RBL1: variants seen among roughly 807,000 people sequenced by gnomAD.
RBL1 encodes the protein RB transcriptional corepressor like 1.
Under a neutral mutation model 123.0 loss-of-function variants are expected in RBL1, and 82 were observed. The observed-to-expected ratio is 0.67, with a 90% CI of 0.56 to 0.80. The LOEUF is 0.80. Ranked by LOEUF, RBL1 falls within the 30% of genes least tolerant of loss-of-function variation. RBL1 has a pLI of 0.00. For synonymous variants in RBL1, 405 were observed against 441.3 expected (o/e 0.92, Z 1.03); for missense variants, 1,171 against 1,299.6 (o/e 0.90, Z 1.52).
At chr20:37,057,056 C>T (rs1033717767) in intron 9 of RBL1, among the ~76,000 whole-genome samples, 1 of 151,308 alleles carries the variant, frequency 6.6e-6, no homozygotes, top group Non-Finnish European at 1.5e-5. Context: ...TACCTATCTA[C>T]CTATCTACAC....
At chr20:37,043,646 C>T (rs1037596169) in intron 13 of RBL1, among the ~76,000 whole-genome samples, 2 of 151,858 alleles carry the variant, frequency 1.3e-5, no homozygotes, top group African/African-American at 4.8e-5. Flanking sequence ...CACACCAGCC[C>T]GGGCAAGAGT....
At chr20:37,054,328 C>T (rs568230875) in intron 11 of RBL1, among the ~76,000 whole-genome samples, 7 of 151,566 alleles carry the variant, frequency 4.6e-5, no homozygotes, top group South Asian at 2.1e-4. Context: ...ACTAAAAATA[C>T]GAAAAAATTA....
At position 37,068,091 on chromosome 20, in the gene RBL1, A is replaced by G; in HGVS notation, c.386T>C (p.Phe129Ser). The change falls in exon 3 of 22, where the codon TTT (phenylalanine) becomes TCT (serine). Residue 129 changes from phenylalanine to serine, a missense_variant. Coordinates refer to ENST00000373664, the MANE Select transcript of RBL1 (RefSeq NM_002895.5). ...RERIERLERN[F>S]EVSTVIFKKY... is the part of the protein sequence containing the mutation. ...TTTGAATATTACAGTAGACACCTCAAAATTTCTCTCTAGCCTTTCTATACG... is the reference window on the plus strand; with the variant it reads ...TTTGAATATTACAGTAGACACCTCAGAATTTCTCTCTAGCCTTTCTATACG... 1 of 1,613,792 alleles carries G rather than the reference A, an allele frequency of 6.2e-7. No individual in the cohort carries two copies. Among genetic ancestry groups the G allele is most frequent in the South Asian group, 1.1e-5 (1 of 91,024 alleles).
In RBL1 at chr20:37,032,789, A is replaced by C. The variant is rs1402049997; in HGVS notation, c.2258T>G (p.Leu753Arg). 3.7e-6 allele frequency: 6 copies of C among 1,614,090 alleles called. No individual in the cohort carries two copies. Among genetic ancestry groups the C allele is most frequent in the East Asian group, 4.5e-5 (2 of 44,854 alleles). The stretch of plus-strand genomic sequence containing the variant: ...AGCACCAATTAATGAATGAGCAGTA[A>C]GTGATACAGGACTCTTGACTTTGGA... ...QESKVKSPVS[L>R]TAHSLIGASP... Residue 753 changes from leucine to arginine, a missense_variant, in exon 16 of 22, where the codon CTT becomes CGT. Physicochemically the swap from Leu to Arg is moderately radical, Grantham distance 102 (BLOSUM62 -2). Coordinates refer to ENST00000373664, the MANE Select transcript of RBL1 (RefSeq NM_002895.5).
At chr20:37,036,061 G>A (rs1568844633) in intron 14 of RBL1, among the ~76,000 whole-genome samples, 1 of 152,210 alleles carries the variant, frequency 6.6e-6, no homozygotes, top group East Asian at 1.9e-4. Context: ...CTGAGGGTTG[G>A]CAGTACTGTG....
chr20:37,055,408 C>A, intron 11 of RBL1, 145 bp downstream of exon 11: 1 of 1,158,918 alleles, frequency 8.6e-7, no homozygotes, highest in Non-Finnish European at 1.2e-6. Flanking sequence ...ATTAGCCTTG[C>A]ATGTGCTAAA....
At chr20:37,042,903 C>T (rs1046805057) in intron 13 of RBL1, among the ~76,000 whole-genome samples, 3 of 114,556 alleles carry the variant, frequency 2.6e-5, no homozygotes, top group Non-Finnish European at 5.7e-5. Flanking sequence ...TGTCCCCCCC[C>T]CTCCAAAAAA....
intron 17 of RBL1, 79 bp downstream of exon 17, chr20:37,022,571 C>A: frequency 7.5e-7 from 1 of 1,324,996 alleles, no homozygotes; most frequent in Non-Finnish European, 1.0e-6. Flanking sequence ...AAGCTATCTG[C>A]TCACCTTGAC....
At chr20:37,074,223 G>T (rs185625916) in intron 2 of RBL1, among the ~76,000 whole-genome samples, 1 of 152,176 alleles carries the variant, frequency 6.6e-6, no homozygotes, top group East Asian at 1.9e-4. Context: ...AGACCAGCCT[G>T]GGCAACATAG....
intron 2 of RBL1, among the ~76,000 whole-genome samples, chr20:37,074,415 G>GAAAAA (rs751317386): frequency 1.6e-5 from 1 of 62,264 alleles, no homozygotes. Context: ...CCCTGTCTCA[G>GAAAAA]AAAAAAAAAA....
chr20:37,055,641 C>A lies in RBL1; in HGVS notation c.1379G>T (p.Arg460Ile). Reference protein sequence around the residue: ...PGSHIDFAVNRLKLAEILYYK... With the variant: ...PGSHIDFAVNILKLAEILYYK... ...ATACAAAATTTCTGCCAGCTTTAGT[C>A]TGTTTACAGCAAAGTCTATCAGGGA... Residue 460 changes from arginine (R) to isoleucine (I), a missense_variant, in exon 11 of 22, where the codon AGA (arginine) becomes ATA (isoleucine). Arg to Ile is a moderately conservative substitution (Grantham distance 97, BLOSUM62 -3). Transcript: ENST00000373664. 6.2e-7 allele frequency: 1 copy of A among 1,611,220 alleles called. No individual in the cohort carries two copies. Among genetic ancestry groups the A allele is most frequent in the South Asian group, 1.1e-5 (1 of 90,534 alleles).
intron 12 of RBL1, among the ~76,000 whole-genome samples, chr20:37,045,297 G>A (rs1197142714): frequency 6.6e-6 from 1 of 151,852 alleles, no homozygotes; most frequent in East Asian, 1.9e-4. Flanking sequence ...TAGTAGAGAT[G>A]GGGTTTTACT....
intron 12 of RBL1, among the ~76,000 whole-genome samples, chr20:37,045,370 T>C (rs2064805016): frequency 6.6e-6 from 1 of 152,088 alleles, no homozygotes; most frequent in African/African-American, 2.4e-5. Flanking sequence ...CCTCCCAAAG[T>C]GCTGGGATTA....
Position 37,066,733 on chromosome 20 carries a change from A to G in RBL1, c.837T>C (p.Phe279=), listed in dbSNP as rs1254818518. 4 of 1,612,432 alleles carry G rather than the reference A, an allele frequency of 2.5e-6. No homozygotes were observed. Residue 279 remains phenylalanine, a synonymous_variant, in exon 6 of 22, where the codon TTT becomes TTC. Coordinates refer to ENST00000373664, the MANE Select transcript of RBL1 (RefSeq NM_002895.5). ...HYFKPYISKL[F]DRKILKGECL... ...ATTATAAGTACAGTACCTTCCTGTC[A>G]AAGAGTTTTGAAATATATGGCTTAA...
At position 37,044,135 on chromosome 20, in the gene RBL1, A is replaced by G. The variant is rs2064778146; in HGVS notation, c.1721T>C (p.Leu574Pro). The change falls in exon 13 of 22, where the codon CTG becomes CCG. Residue 574 changes from leucine to proline, a missense_variant. Physicochemically the swap from Leu to Pro is moderately conservative, Grantham distance 98. Coordinates refer to ENST00000373664, the MANE Select transcript of RBL1 (RefSeq NM_002895.5). ...TGCAGAAACCTGGAGAGCCTCCCAC[A>G]GTGCAGAATCGTGACTCCATGCTAA... ...ESLAWSHDSA[L>P]WEALQVSANK... is the part of the protein sequence containing the mutation. 1 of 1,612,598 alleles carries G rather than the reference A, an allele frequency of 6.2e-7. No homozygotes were observed.
chr20:37,069,183 C>T (rs1462613107), intron 2 of RBL1, among the ~76,000 whole-genome samples: 88 of 152,316 alleles, frequency 5.8e-4, no homozygotes, highest in Non-Finnish European at 2.6e-4. Flanking sequence ...GATCTCGGCT[C>T]GCTACAACCT....
At chr20:37,071,140 C>T (rs1227922974) in intron 2 of RBL1, among the ~76,000 whole-genome samples, 1 of 152,104 alleles carries the variant, frequency 6.6e-6, no homozygotes, top group Non-Finnish European at 1.5e-5. Context: ...GATGATCCAC[C>T]TGCCTCGGCC....
intron 19 of RBL1, among the ~76,000 whole-genome samples, chr20:37,009,350 T>C (rs954075879): frequency 2.6e-5 from 4 of 152,178 alleles, no homozygotes; most frequent in South Asian, 2.1e-4. Context: ...ACTACCATTC[T>C]GGGAAACACT....
intron 14 of RBL1, among the ~76,000 whole-genome samples, chr20:37,037,229 G>A (rs1304689268): frequency 6.6e-6 from 1 of 152,146 alleles, no homozygotes; most frequent in Non-Finnish European, 1.5e-5. Context: ...GGCAAGACTC[G>A]AGTTGAAGCC....
Sources: gnomAD v4.1 joint callset for allele counts (sites outside exome capture counted in the v4.1 genomes callset) on GRCh38, gnomAD v4.1.1 for gene constraint, MANE v1.5 for transcripts, NCBI Gene and HGNC (gene_info 2026-07-23, HGNC 2026-07-21) for gene names.